GRM4: variants seen among roughly 807,000 people sequenced by gnomAD.
The protein encoded by GRM4 is glutamate metabotropic receptor 4, also known as metabotropic glutamate receptor 4.
A neutral mutation model predicts 81.7 loss-of-function variants in GRM4; 28 were observed. That is an observed-to-expected ratio of 0.34 (90% confidence interval 0.25 to 0.47). The LOEUF is 0.47. Ranked by LOEUF, GRM4 falls within the 20% of genes least tolerant of loss-of-function variation. GRM4 has a pLI of 1.00. For missense variants in GRM4, 948 were observed against 1,290.0 expected (o/e 0.73, Z 4.06); for synonymous variants, 488 against 528.8 (o/e 0.92, Z 1.06).
intron 2 of GRM4, among the ~76,000 whole-genome samples, chr6:34,102,637 C>T (rs1303602098): frequency 2.0e-5 from 3 of 152,224 alleles, no homozygotes; most frequent in Non-Finnish European, 4.4e-5. Flanking sequence ...CACCTACTAA[C>T]ACACTACATT....
intron 1 of GRM4, among the ~76,000 whole-genome samples, chr6:34,139,165 C>T (rs1770580479): frequency 2.0e-5 from 3 of 152,300 alleles, no homozygotes; most frequent in South Asian, 4.1e-4. Context: ...TGAGCTGCTC[C>T]GGCTCACCAG....
intron 2 of GRM4, chr6:34,110,552 A>G: frequency 1.7e-6 from 1 of 593,652 alleles, no homozygotes; most frequent in South Asian, 2.1e-5. Context: ...CCTTCACACC[A>G]TCCACATCTC....
At chr6:34,060,867 T>A (rs1447193728) in intron 4 of GRM4, 1 of 152,388 alleles carries the variant, frequency 6.6e-6, no homozygotes, top group Admixed American at 6.5e-5. Flanking sequence ...TTTCGCTGCC[T>A]GAGACAACCA....
At chr6:34,155,321 G>T (rs1771129662) in exon 1 of GRM4, 1 of 1,522,854 alleles carries the variant, frequency 6.6e-7, no homozygotes, top group East Asian at 2.5e-5. Flanking sequence ...GCGATGCAGA[G>T]GCGTAGAGGG....
chr6:34,126,336 G>C (rs1371809637), intron 2 of GRM4, among the ~76,000 whole-genome samples: 3 of 152,174 alleles, frequency 2.0e-5, no homozygotes, highest in Non-Finnish European at 4.4e-5. Flanking sequence ...GACCAGCCTG[G>C]CACAGGGTAA....
chr6:34,151,540 C>T (rs964252031), intron 1 of GRM4, among the ~76,000 whole-genome samples: 9 of 152,198 alleles, frequency 5.9e-5, no homozygotes, highest in Non-Finnish European at 7.3e-5. Flanking sequence ...GCCGCCTGCT[C>T]CTTCGGCAGA....
intron 6 of GRM4, among the ~76,000 whole-genome samples, chr6:34,051,681 T>G (rs559703574): frequency 6.6e-6 from 1 of 152,236 alleles, no homozygotes; most frequent in South Asian, 2.1e-4. Flanking sequence ...CCCGTAGGCT[T>G]GACAGCTGCA....
intron 2 of GRM4, among the ~76,000 whole-genome samples, chr6:34,126,918 G>A (rs1243731614): frequency 6.6e-6 from 1 of 152,212 alleles, no homozygotes; most frequent in Admixed American, 6.5e-5. Flanking sequence ...CTTGACAGCA[G>A]CCCTAGACAA....
At chr6:34,044,077 G>T (rs1035380217) in intron 6 of GRM4, among the ~76,000 whole-genome samples, 2 of 144,446 alleles carry the variant, frequency 1.4e-5, no homozygotes, top group African/African-American at 5.1e-5. Flanking sequence ...TATATACACA[G>T]ACACACACAC....
chr6:34,099,211 C>T (rs939033147), intron 2 of GRM4, among the ~76,000 whole-genome samples: 3 of 152,214 alleles, frequency 2.0e-5, no homozygotes, highest in African/African-American at 4.8e-5. Flanking sequence ...ACAGGGGCTT[C>T]CCAGGCCCCG....
rs761807919 is a variant in GRM4 at position 34,036,443 on chromosome 6, G to A, written c.1667C>T (p.Thr556Ile). ...TGYQYQVDRY[T>I]CKTCPYDMRP... ...CATGTCATAGGGACACGTCTTACAG[G>A]TGTAGCGGTCCACCTGGTACTGGTA... Residue 556 changes from threonine to isoleucine, a missense_variant, in exon 9 of 11, where the codon ACC (threonine) becomes ATC (isoleucine). By Grantham distance (89) the Thr-to-Ile change is moderately conservative. Transcript: ENST00000538487. The surrounding 1 kb of genome is among the most constrained non-coding windows in gnomAD (Gnocchi z 9.0). The A allele has an allele frequency of 6.2e-7, 1 of 1,613,560 alleles. No homozygotes were observed. Among genetic ancestry groups the A allele is most frequent in the African/African-American group, 1.3e-5 (1 of 74,928 alleles).
intron 6 of GRM4, 172 bp downstream of exon 6, chr6:34,056,372 C>A: frequency 3.3e-6 from 2 of 609,918 alleles, no homozygotes; most frequent in African/African-American, 1.9e-5. Flanking sequence ...CCCCGCCCCT[C>A]AAGGCCCCGC....
chr6:34,096,993 T>C (rs921231622), intron 2 of GRM4, among the ~76,000 whole-genome samples: 1 of 151,978 alleles, frequency 6.6e-6, no homozygotes, highest in South Asian at 2.1e-4. Context: ...CTTGAGCACA[T>C]GGGTGCCCCG....
At chr6:34,123,306 T>C (rs535876650) in intron 2 of GRM4, among the ~76,000 whole-genome samples, 1 of 152,252 alleles carries the variant, frequency 6.6e-6, no homozygotes, top group East Asian at 1.9e-4. Flanking sequence ...CTGGCACACC[T>C]ACCAGAGTCA....
chr6:34,067,578 C>T (rs1037761072), intron 3 of GRM4, among the ~76,000 whole-genome samples: 2 of 148,162 alleles, frequency 1.3e-5, no homozygotes, highest in Admixed American at 6.7e-5. Context: ...TCCTCTCTCC[C>T]TCCTTTCCTC....
At chr6:34,100,003 T>C (rs1309066683) in intron 2 of GRM4, 42 of 960,542 alleles carry the variant, frequency 4.4e-5, no homozygotes, top group Non-Finnish European at 5.1e-5. Context: ...ACCTCAGGAC[T>C]TGACTCCCTC....
At chr6:34,062,846 T>A (rs1227818319) in intron 3 of GRM4, 3 of 151,992 alleles carry the variant, frequency 2.0e-5, no homozygotes. Flanking sequence ...GTCATTCACG[T>A]ATTTAAATCT....
intron 1 of GRM4, among the ~76,000 whole-genome samples, chr6:34,134,083 T>TAAG (rs1257827066): frequency 6.6e-6 from 1 of 152,136 alleles, no homozygotes; most frequent in East Asian, 1.9e-4. Flanking sequence ...TCCTAAGGCC[T>TAAG]GTACCCACTG....
At chr6:34,029,618 C>G (rs1764314673) in intron 9 of GRM4, among the ~76,000 whole-genome samples, 1 of 152,236 alleles carries the variant, frequency 6.6e-6, no homozygotes, top group African/African-American at 2.4e-5. Flanking sequence ...AAAGGAGAAT[C>G]CTGCCCTTCT....
Sources: allele counts gnomAD v4.1 joint callset (sites outside exome capture counted in the v4.1 genomes callset), GRCh38; gene constraint gnomAD v4.1.1; non-coding constraint Gnocchi (gnomAD v3.1); transcripts MANE v1.5; gene names NCBI Gene and HGNC (gene_info 2026-07-23, HGNC 2026-07-21).